Variants in CDH11 observed in about 807,000 individuals in gnomAD.
CDH11 encodes cadherin-11.
CDH11 carries 11 observed loss-of-function variants against 67.8 expected under a neutral mutation model. That is an observed-to-expected ratio of 0.16 (90% confidence interval 0.10 to 0.27). The LOEUF (loss-of-function observed/expected upper bound fraction) is 0.27, where lower values mean the gene tolerates loss of function less well. Among genes scored for constraint, CDH11 ranks in the 10% least tolerant of loss-of-function variants. CDH11 has a pLI of 1.00. For missense variants in CDH11, 847 were observed against 1,031.2 expected (o/e 0.82, Z 2.45); for synonymous variants, 419 against 400.0 (o/e 1.05, Z -0.57).
chr16:65,002,056 T>C (rs1387259296), intron 3 of CDH11, among the ~76,000 whole-genome samples: 1 of 152,200 alleles, frequency 6.6e-6, no homozygotes, highest in Admixed American at 6.5e-5. Context: ...AAACCATCTA[T>C]TCCATCCCTC....
rs114033442 is a variant in CDH11 at position 65,046,607 on chromosome 16, T to A, written c.-173+7197A>T. 4.6e-3 allele frequency among the ~76,000 whole-genome samples: 696 copies of A among 152,300 alleles called. 4 individuals are homozygous for A. Among genetic ancestry groups the A allele is most frequent in the African/African-American group, 0.016 (657 of 41,554 alleles). On this transcript the variant is annotated intron_variant, in intron 2 of 12. Transcript: ENST00000268603. ...AACTGACATCCAAGCTGTACCTTGA[T>A]TAGGGATTAAATTCATAAAATTGTT...
At chr16:64,995,268 A>T (rs541840825) in intron 4 of CDH11, among the ~76,000 whole-genome samples, 1 of 152,196 alleles carries the variant, frequency 6.6e-6, no homozygotes, top group Non-Finnish European at 1.5e-5. Flanking sequence ...GAACCAAAAA[A>T]GAGCCCGAAT....
At chr16:65,071,638 C>G (rs568507389) in intron 1 of CDH11, among the ~76,000 whole-genome samples, 1 of 152,258 alleles carries the variant, frequency 6.6e-6, no homozygotes, top group East Asian at 1.9e-4. Context: ...CACAATCTGG[C>G]GATGGGATCC....
intron 1 of CDH11, among the ~76,000 whole-genome samples, chr16:65,060,654 CTCT>C (rs1340085825): frequency 6.6e-6 from 1 of 152,096 alleles, no homozygotes; most frequent in African/African-American, 2.4e-5. Flanking sequence ...TAACTTTAAC[CTCT>C]TCTTCTGTAG....
In CDH11 at chr16:64,950,866, C is replaced by T; in HGVS notation, c.1795G>A (p.Gly599Arg). ...TCTGCGTTGCAGGAGAGCAGTGCCCCGTTCACGTCGCACCCGCAGACTTTG... is the reference window on the plus strand; with the variant it reads ...TCTGCGTTGCAGGAGAGCAGTGCCCTGTTCACGTCGCACCCGCAGACTTTG... Reference protein sequence around the residue: ...TIKVCGCDVNGALLSCNAEAY... With the variant: ...TIKVCGCDVNRALLSCNAEAY... The change falls in exon 12 of 13, where the codon GGG (glycine) becomes AGG (arginine). Residue 599 changes from glycine (G) to arginine (R), a missense_variant. By Grantham distance (125) the Gly-to-Arg change is moderately radical (BLOSUM62 -2). Around this residue, in one of 2 missense-constraint regions of CDH11, gnomAD observed 612 missense variants for 678.7 expected, o/e 0.90. Coordinates refer to ENST00000268603, the MANE Select transcript of CDH11 (RefSeq NM_001797.4). 1.2e-6 allele frequency: 2 copies of T among 1,614,212 alleles called. No individual in the cohort carries two copies. The highest frequency in any genetic ancestry group is 1.1e-5 in the South Asian group (1 of 91,086).
In CDH11 at chr16:64,947,452, C is replaced by T; in HGVS notation, c.*151G>A. 1.4e-6 allele frequency: 2 copies of T among 1,451,478 alleles called. No homozygotes were observed. The highest frequency in any genetic ancestry group is 1.8e-6 in the Non-Finnish European group (2 of 1,102,394). The allele number at this position is 1,451,478 out of a possible 1,614,324, so 89.9% of individuals were successfully genotyped here. ...TTCACAGTATTTACCACTTTGATGTCCTCGCAGTTTTATTAAATGTATCCT... is the reference window on the plus strand; with the variant it reads ...TTCACAGTATTTACCACTTTGATGTTCTCGCAGTTTTATTAAATGTATCCT... On this transcript the variant is annotated 3_prime_UTR_variant, in exon 13 of 13. Transcript: ENST00000268603.
At chr16:64,955,237 C>T (rs2071476984) in intron 11 of CDH11, among the ~76,000 whole-genome samples, 2 of 151,980 alleles carry the variant, frequency 1.3e-5, no homozygotes, top group Admixed American at 1.3e-4. Flanking sequence ...CAGAGCAAGA[C>T]TCTGTCTCAA....
chr16:64,956,466 C>A (rs566816831), intron 11 of CDH11, among the ~76,000 whole-genome samples: 40 of 152,280 alleles, frequency 2.6e-4, no homozygotes, highest in African/African-American at 9.6e-4. Flanking sequence ...ACTCTTCATT[C>A]AAAGGTAAGA....
intron 1 of CDH11, among the ~76,000 whole-genome samples, chr16:65,055,184 G>A (rs986496464): frequency 1.4e-4 from 22 of 152,158 alleles, no homozygotes; most frequent in African/African-American, 5.3e-4. Flanking sequence ...TGTCAACCAT[G>A]TTACATGCTG....
At chr16:65,117,302 A>C (rs1597215644) in intron 1 of CDH11, among the ~76,000 whole-genome samples, 1 of 152,188 alleles carries the variant, frequency 6.6e-6, no homozygotes, top group East Asian at 1.9e-4. Context: ...AAAAACACAA[A>C]TAAGTAGCCA....
chr16:65,001,989 C>T (rs752692330), intron 3 of CDH11, among the ~76,000 whole-genome samples: 10 of 152,258 alleles, frequency 6.6e-5, no homozygotes, highest in Admixed American at 2.0e-4. Context: ...TTCACTTTTT[C>T]AGGGCATCTT....
chr16:65,115,049 T>G (rs1002984566), intron 1 of CDH11, among the ~76,000 whole-genome samples: 2 of 152,194 alleles, frequency 1.3e-5, no homozygotes, highest in Admixed American at 1.3e-4. Flanking sequence ...TTTGAGCTAG[T>G]CTGGAATAGT....
At chr16:65,081,699 T>A (rs992116203) in intron 1 of CDH11, among the ~76,000 whole-genome samples, 2 of 152,008 alleles carry the variant, frequency 1.3e-5, no homozygotes, top group African/African-American at 4.8e-5. Flanking sequence ...AGAACCTGAG[T>A]TTTGTTTTTG....
In CDH11 at chr16:65,121,316, G is replaced by A. The variant is rs897894927; in HGVS notation, c.-298+564C>T. ...ATTAAAGTGCGGGCAATCTCCTTCC[G>A]GAGCTGGGGTCTTTCCGTTTTCCCG... On this transcript the variant is annotated intron_variant, in intron 1 of 12. Coordinates refer to ENST00000268603, the MANE Select transcript of CDH11 (RefSeq NM_001797.4). This position sits in a 1 kb window ranked among gnomAD's most constrained non-coding sequence, Gnocchi z 4.1. 3.9e-5 allele frequency among the ~76,000 whole-genome samples: 6 copies of A among 152,210 alleles called. No individual in the cohort carries two copies. Among genetic ancestry groups the A allele is most frequent in the Admixed American group, 6.5e-5 (1 of 15,286 alleles).
At chr16:64,948,836 T>A (rs533325158) in intron 12 of CDH11, 357 of 1,258,806 alleles carry the variant, frequency 2.8e-4, no homozygotes, top group Non-Finnish European at 3.8e-4. Flanking sequence ...AGGCACAGTT[T>A]AATTCTTCAT....
intron 5 of CDH11, among the ~76,000 whole-genome samples, chr16:64,992,204 C>T (rs1335859235): frequency 1.3e-5 from 2 of 152,120 alleles, no homozygotes; most frequent in South Asian, 2.1e-4. Flanking sequence ...TATAAACACC[C>T]TAAAGACTGA....
rs571007399 is a variant in CDH11 at position 65,119,413 on chromosome 16, C to G, written c.-298+2467G>C. On this transcript the variant is annotated intron_variant, in intron 1 of 12. Transcript: ENST00000268603. ...TTTTCAAATTAACAAAAGATTGCATCTTAATTGAAAATAGAATTTAGGTTT... is the reference window on the plus strand; with the variant it reads ...TTTTCAAATTAACAAAAGATTGCATGTTAATTGAAAATAGAATTTAGGTTT... 2.0e-5 allele frequency among the ~76,000 whole-genome samples: 3 copies of G among 152,252 alleles called. No homozygotes were observed. In the South Asian group the frequency reaches 6.2e-4, roughly 32 times the overall value.
rs776739314 is a variant in CDH11, at chr16:64,971,662, T to C, written c.1559A>G (p.Asp520Gly). Reference protein sequence around the residue: ...IVTISADDKDDTANGPRFIFS... With the variant: ...IVTISADDKDGTANGPRFIFS... ...GATAAATCTTGGTCCATTGGCCGTG[T>C]CATCCTTGTCATCTGCACTAATTGT... The change falls in exon 11 of 13, where the codon GAC (aspartate) becomes GGC (glycine). Residue 520 changes from aspartate to glycine, a missense_variant. Transcript: ENST00000268603. The C allele has an allele frequency of 5.0e-6, 8 of 1,612,860 alleles. No individual in the cohort carries two copies. Among genetic ancestry groups the C allele is most frequent in the Non-Finnish European group, 5.9e-6 (7 of 1,179,214 alleles).
chr16:65,096,469 A>G (rs1483069935), intron 1 of CDH11, among the ~76,000 whole-genome samples: 1 of 147,374 alleles, frequency 6.8e-6, no homozygotes, highest in African/African-American at 2.5e-5. Context: ...ATATGTGTGT[A>G]TATATACCTA....
Sources: allele counts gnomAD v4.1 joint callset (sites outside exome capture counted in the v4.1 genomes callset), GRCh38; gene constraint gnomAD v4.1.1; regional missense constraint gnomAD v4.1.1; non-coding constraint Gnocchi (gnomAD v3.1); transcripts MANE v1.5; gene names NCBI Gene and HGNC (gene_info 2026-07-23, HGNC 2026-07-21).